Variants in ATF7IP2 observed in about 807,000 individuals in gnomAD.
ATF7IP2 encodes the protein activating transcription factor 7-interacting protein 2.
Under a neutral mutation model 64.2 loss-of-function variants are expected in ATF7IP2, and 42 were observed. That is an observed-to-expected ratio of 0.65 (90% CI 0.51 to 0.85). The LOEUF (loss-of-function observed/expected upper bound fraction) is 0.85, where lower values mean the gene tolerates loss of function less well. ATF7IP2 is among the 40% of genes least tolerant of loss of function. The pLI is 0.00. For synonymous variants in ATF7IP2, 308 were observed against 272.8 expected (o/e 1.13, Z -1.27); for missense variants, 933 against 784.2 (o/e 1.19, Z -2.27).
chr16:10,434,498 A>G (rs2048354960), intron 6 of ATF7IP2, among the ~76,000 whole-genome samples: 1 of 152,216 alleles, frequency 6.6e-6, no homozygotes, highest in Non-Finnish European at 1.5e-5. Context: ...TTACATAGTT[A>G]CATATACTAT....
intron 1 of ATF7IP2, among the ~76,000 whole-genome samples, chr16:10,410,599 A>C (rs190538879): frequency 3.9e-5 from 6 of 152,244 alleles, no homozygotes; most frequent in Non-Finnish European, 8.8e-5. Context: ...CTTCCTCTTT[A>C]TCGATTTGGA....
chr16:10,402,057 T>G (rs1396065178), intron 1 of ATF7IP2, among the ~76,000 whole-genome samples: 2 of 152,154 alleles, frequency 1.3e-5, no homozygotes, highest in African/African-American at 4.8e-5. Context: ...AAGAACCAAC[T>G]TTTTGTTTTA....
chr16:10,389,744 A>G (rs1199335897), intron 1 of ATF7IP2, among the ~76,000 whole-genome samples: 2 of 152,242 alleles, frequency 1.3e-5, no homozygotes, highest in Non-Finnish European at 2.9e-5. Context: ...CATAATGAGC[A>G]TTTTATACTA....
intron 8 of ATF7IP2, among the ~76,000 whole-genome samples, chr16:10,441,180 T>C (rs955794454): frequency 6.6e-6 from 1 of 152,218 alleles, no homozygotes; most frequent in South Asian, 2.1e-4. Flanking sequence ...TTCCAAGTCT[T>C]TGCTATTGTA....
At chr16:10,454,274 G>A (rs1304745048) in intron 8 of ATF7IP2, 2 of 151,760 alleles carry the variant, frequency 1.3e-5, no homozygotes, top group Non-Finnish European at 2.9e-5. Flanking sequence ...GCCGGGCATG[G>A]TGACAGGTGC....
At chr16:10,413,639 A>G (rs546469866) in intron 1 of ATF7IP2, among the ~76,000 whole-genome samples, 1 of 152,194 alleles carries the variant, frequency 6.6e-6, no homozygotes, top group African/African-American at 2.4e-5. Context: ...TATGAGATTT[A>G]TGCTTTAAAG....
At chr16:10,476,402 C>T (rs1001494294) in intron 12 of ATF7IP2, among the ~76,000 whole-genome samples, 2 of 152,092 alleles carry the variant, frequency 1.3e-5, no homozygotes, top group Non-Finnish European at 2.9e-5. Context: ...CTGCTTAATT[C>T]TGGGATTTTT....
chr16:10,418,899 T>C (rs1375393592), intron 2 of ATF7IP2, among the ~76,000 whole-genome samples: 1 of 152,200 alleles, frequency 6.6e-6, no homozygotes, highest in Admixed American at 6.5e-5. Context: ...CTTCTTACCA[T>C]TTCTACCATC....
chr16:10,400,130 G>A (rs1057076697), intron 1 of ATF7IP2, among the ~76,000 whole-genome samples: 18 of 152,074 alleles, frequency 1.2e-4, no homozygotes, highest in Non-Finnish European at 2.2e-4. Flanking sequence ...AACTTCCATC[G>A]CCCGGGCTCA....
chr16:10,441,150 T>C (rs111420982), intron 8 of ATF7IP2, among the ~76,000 whole-genome samples: 4,576 of 152,310 alleles, frequency 0.03, 199 homozygotes, highest in African/African-American at 0.099. Context: ...CAGTCTATCA[T>C]TGACGGGGAT....
At chr16:10,387,683 T>A (rs2047228983) in intron 1 of ATF7IP2, 1 of 152,234 alleles carries the variant, frequency 6.6e-6, no homozygotes, top group African/African-American at 2.4e-5. Context: ...TTTCATTTGA[T>A]GTAATCAAAG....
intron 9 of ATF7IP2, among the ~76,000 whole-genome samples, chr16:10,461,565 C>T (rs1407897355): frequency 9.9e-5 from 15 of 152,040 alleles, no homozygotes; most frequent in East Asian, 3.8e-4. Flanking sequence ...ATTCCCACAA[C>T]GTATGATTGG....
chr16:10,443,260 T>C (rs2048690158), intron 8 of ATF7IP2, among the ~76,000 whole-genome samples: 1 of 152,170 alleles, frequency 6.6e-6, no homozygotes, highest in Non-Finnish European at 1.5e-5. Flanking sequence ...ATTTTCTCCC[T>C]GTCATGAGAG....
intron 1 of ATF7IP2, among the ~76,000 whole-genome samples, chr16:10,404,947 G>C (rs1315675606): frequency 6.6e-6 from 1 of 152,162 alleles, no homozygotes; most frequent in Non-Finnish European, 1.5e-5. Flanking sequence ...TATCCAACTA[G>C]ATTAAGCTTC....
At chr16:10,395,203 G>A (rs1156533366) in intron 1 of ATF7IP2, among the ~76,000 whole-genome samples, 3 of 151,884 alleles carry the variant, frequency 2.0e-5, no homozygotes, top group Non-Finnish European at 4.4e-5. Flanking sequence ...AATTCCAATT[G>A]TATGGTACTC....
intron 3 of ATF7IP2, among the ~76,000 whole-genome samples, chr16:10,423,160 C>T (rs140174525): frequency 3.9e-5 from 6 of 152,296 alleles, no homozygotes; most frequent in African/African-American, 7.2e-5. Context: ...AGGAGAATGG[C>T]GTGAGCCTGG....
intron 9 of ATF7IP2, among the ~76,000 whole-genome samples, chr16:10,464,287 C>G (rs1178017962): frequency 1.3e-5 from 2 of 151,976 alleles, no homozygotes; most frequent in Non-Finnish European, 2.9e-5. Flanking sequence ...TAAAGGAACC[C>G]TTACAAAGGA....
In ATF7IP2 at chr16:10,482,490, G is replaced by A. The variant is rs549831924; in HGVS notation, c.*241G>A. 104 of 344,816 alleles carry A rather than the reference G, an allele frequency of 3.0e-4. No homozygotes were observed. Among genetic ancestry groups the A allele is most frequent in the Middle Eastern group, 8.3e-4 (1 of 1,210 alleles). The allele number at this position is 344,816 out of a possible 1,614,324, so 21.4% of individuals were successfully genotyped here. A position where few individuals can be genotyped will look rare whatever the true frequency, so the allele number is the denominator to read the frequency against. Reference sequence around the variant, plus strand: ...TATCATTGGCCCATGTTGCTGAGGTGCATTGTGAACAATACCTTTAGTGAC... The same window carrying A: ...TATCATTGGCCCATGTTGCTGAGGTACATTGTGAACAATACCTTTAGTGAC... On this transcript the variant is annotated 3_prime_UTR_variant, in exon 14 of 14. Coordinates refer to ENST00000562102, the MANE Select transcript of ATF7IP2 (RefSeq NM_001393719.1).
chr16:10,439,812 G>T (rs976688442), intron 7 of ATF7IP2, among the ~76,000 whole-genome samples: 1 of 151,476 alleles, frequency 6.6e-6, no homozygotes, highest in Non-Finnish European at 1.5e-5. Flanking sequence ...GGAATTACAG[G>T]CGTGAGCCAC....
Sources: allele counts gnomAD v4.1 joint callset (sites outside exome capture counted in the v4.1 genomes callset), GRCh38; gene constraint gnomAD v4.1.1; transcripts MANE v1.5; gene names NCBI Gene and HGNC (gene_info 2026-07-23, HGNC 2026-07-21).